AEBP2: variants seen among roughly 807,000 people sequenced by gnomAD.
AEBP2 encodes the protein AE binding protein 2.
AEBP2 carries 10 observed loss-of-function variants against 50.8 expected under a neutral mutation model. The ratio of observed to expected loss-of-function variants is 0.20; its 90% CI spans 0.12 to 0.33. AEBP2 has a LOEUF of 0.33. AEBP2 is among the 10% of genes least tolerant of loss of function. The pLI, the probability that AEBP2 is intolerant of heterozygous loss-of-function variation, is 1.00. For synonymous variants in AEBP2, 296 were observed against 261.3 expected, an observed-to-expected ratio of 1.13 and a Z score of -1.28; for missense variants, 570 against 688.0, an observed-to-expected ratio of 0.83 and a Z score of 1.92.
intron 1 of AEBP2, among the ~76,000 whole-genome samples, chr12:19,429,552 C>T (rs1054221020): frequency 6.6e-6 from 1 of 152,240 alleles, no homozygotes; most frequent in African/African-American, 2.4e-5. Context: ...GGAATCGCCA[C>T]ACTGACTTCC....
At chr12:19,463,540 G>A (rs901565628) in intron 2 of AEBP2, among the ~76,000 whole-genome samples, 1 of 151,502 alleles carries the variant, frequency 6.6e-6, no homozygotes, top group African/African-American at 2.4e-5. Context: ...AAATCATCAT[G>A]GTTTAAGTTA....
chr12:19,480,473 G>A lies in AEBP2; in HGVS notation c.987+7118G>A, dbSNP rs562646413. ...TTTAGAACTTCTTTTAGCATTTCTT[G>A]TAGTGCTGGCTTGGTAGTGACAAAT... On this transcript the variant is annotated intron_variant, in intron 3 of 7. Coordinates refer to ENST00000266508, the MANE Select transcript of AEBP2 (RefSeq NM_153207.5). 3.4e-4 allele frequency among the ~76,000 whole-genome samples: 52 copies of A among 152,308 alleles called. 1 individual carries two copies. The South Asian group carries it at 0.011, about 31-fold the overall frequency.
At chr12:19,482,216 G>A (rs1948740466) in intron 3 of AEBP2, among the ~76,000 whole-genome samples, 1 of 152,068 alleles carries the variant, frequency 6.6e-6, no homozygotes, top group Non-Finnish European at 1.5e-5. Flanking sequence ...CTAGGCTCTG[G>A]GATGGTGCTG....
At chr12:19,442,271 G>T (rs1048971735) in intron 1 of AEBP2, among the ~76,000 whole-genome samples, 2 of 152,122 alleles carry the variant, frequency 1.3e-5, no homozygotes, top group African/African-American at 2.4e-5. Flanking sequence ...ACCCGAGAGT[G>T]GTGGCGCGCG....
chr12:19,462,183 AG>A (rs1948390927), intron 1 of AEBP2, among the ~76,000 whole-genome samples: 1 of 152,124 alleles, frequency 6.6e-6, no homozygotes, highest in African/African-American at 2.4e-5. Flanking sequence ...GAACTGTAGA[AG>A]GGATGAGATG....
chr12:19,478,945 G>T (rs1487120953), intron 3 of AEBP2, among the ~76,000 whole-genome samples: 1 of 152,146 alleles, frequency 6.6e-6, no homozygotes, highest in African/African-American at 2.4e-5. Flanking sequence ...ATCCTGGCCA[G>T]GCATGGTAGG....
intron 1 of AEBP2, among the ~76,000 whole-genome samples, chr12:19,422,803 G>T (rs1360677120): frequency 6.6e-6 from 1 of 151,978 alleles, no homozygotes; most frequent in African/African-American, 2.4e-5. Context: ...GTGGCTCATG[G>T]CTGTAATCAC....
At chr12:19,511,179 A>T (rs1949226712) in intron 5 of AEBP2, among the ~76,000 whole-genome samples, 1 of 152,096 alleles carries the variant, frequency 6.6e-6, no homozygotes, top group African/African-American at 2.4e-5. Flanking sequence ...CAGTTTTCAT[A>T]TAAATAAGTC....
intron 3 of AEBP2, among the ~76,000 whole-genome samples, chr12:19,491,500 T>C (rs1948894479): frequency 2.0e-5 from 3 of 152,168 alleles, no homozygotes; most frequent in Admixed American, 2.0e-4. Flanking sequence ...ATCTTATTCA[T>C]CTTTATCCTT....
chr12:19,431,063 A>G (rs1324825172), intron 1 of AEBP2, among the ~76,000 whole-genome samples: 1 of 152,088 alleles, frequency 6.6e-6, no homozygotes, highest in African/African-American at 2.4e-5. Context: ...GTAGTTTACC[A>G]AGATGTAGAC....
chr12:19,513,134 C>G (rs1258240661), intron 6 of AEBP2, among the ~76,000 whole-genome samples: 1 of 152,016 alleles, frequency 6.6e-6, no homozygotes, highest in Non-Finnish European at 1.5e-5. Context: ...TTAGTGACCT[C>G]CAAGCAGTAT....
chr12:19,407,284 C>A (rs2095736810), intron 1 of AEBP2, among the ~76,000 whole-genome samples: 1 of 152,128 alleles, frequency 6.6e-6, no homozygotes, highest in Admixed American at 6.6e-5. Context: ...TCGGGTGACA[C>A]AGAAAGACCC....
intron 1 of AEBP2, among the ~76,000 whole-genome samples, chr12:19,449,425 TGGGTGAAGTAATCTTAAA>T (rs1465833762): frequency 6.6e-6 from 1 of 152,164 alleles, no homozygotes; most frequent in Non-Finnish European, 1.5e-5. Flanking sequence ...ATGAAAAATG[TGGGTGAAGTAATCTTAAA>T]GGGTGATAGA....
intron 1 of AEBP2, among the ~76,000 whole-genome samples, chr12:19,433,353 A>G (rs1398404870): frequency 1.3e-5 from 2 of 152,196 alleles, no homozygotes; most frequent in Non-Finnish European, 1.5e-5. Context: ...TCACCACTGC[A>G]TGCCAGCCTG....
At position 19,425,939 on chromosome 12, in the gene AEBP2, T is replaced by G. The variant is rs1442721492; in HGVS notation, c.-17+21723T>G. The stretch of plus-strand genomic sequence containing the variant: ...TTCCCAAGCTGTCCTATGGTGGGAT[T>G]TCTGTTTTTCTTTTTGAGACAGGGT... On this transcript the variant is annotated intron_variant, in intron 1 of 3. Coordinates refer to the AEBP2 transcript ENST00000538425. Among the ~76,000 whole-genome samples, 5 of 152,100 alleles carry G rather than the reference T, an allele frequency of 3.3e-5. No homozygotes were observed. In the East Asian group the frequency reaches 9.7e-4, roughly 29 times the overall value.
At chr12:19,462,841 A>C in intron 2 of AEBP2, 124 bp downstream of exon 2, 4 of 861,730 alleles carry the variant, frequency 4.6e-6, no homozygotes, top group Non-Finnish European at 5.2e-6. Context: ...TAGTTTTTTC[A>C]AGTGAATTTT....
chr12:19,469,515 G>C (rs956415082), intron 2 of AEBP2, among the ~76,000 whole-genome samples: 1 of 152,206 alleles, frequency 6.6e-6, no homozygotes, highest in African/African-American at 2.4e-5. Context: ...TTTAGCAGTG[G>C]CATGATCTTA....
intron 3 of AEBP2, among the ~76,000 whole-genome samples, chr12:19,484,027 A>G (rs1339487897): frequency 2.0e-5 from 3 of 152,016 alleles, no homozygotes; most frequent in Admixed American, 2.0e-4. Context: ...GGATTGTCAA[A>G]CTTTTGGATT....
intron 3 of AEBP2, among the ~76,000 whole-genome samples, chr12:19,491,059 T>G (rs1396593928): frequency 1.3e-5 from 2 of 152,190 alleles, no homozygotes; most frequent in Non-Finnish European, 2.9e-5. Context: ...TTTAAAGTGT[T>G]GAGTAGCAAT....
Sources: gnomAD v4.1 joint callset for allele counts (sites outside exome capture counted in the v4.1 genomes callset) on GRCh38, gnomAD v4.1.1 for gene constraint, MANE v1.5 for transcripts, NCBI Gene and HGNC (gene_info 2026-07-23, HGNC 2026-07-21) for gene names.